The following MTUS2 variants were observed in gnomAD, a reference collection of about 807,000 sequenced individuals.
MTUS2 encodes microtubule associated scaffold protein 2.
In MTUS2, 40 loss-of-function variants were observed where a neutral mutation model predicts 114.1. The observed-to-expected ratio is 0.35, with a 90% CI of 0.27 to 0.46. MTUS2 has a LOEUF of 0.46. Ranked by LOEUF, MTUS2 falls within the 20% of genes least tolerant of loss-of-function variation. MTUS2 has a pLI of 1.00. For missense variants in MTUS2, 1,679 were observed against 1,705.4 expected (o/e 0.98, Z 0.27); for synonymous variants, 688 against 672.0 (o/e 1.02, Z -0.37).
intron 7 of MTUS2, among the ~76,000 whole-genome samples, chr13:29,330,569 C>G (rs112434142): frequency 0.076 from 11,480 of 152,030 alleles, 1,369 homozygotes; most frequent in African/African-American, 0.25. Context: ...GGGTTTAGGT[C>G]TTATGTTTAA....
intron 5 of MTUS2, among the ~76,000 whole-genome samples, chr13:29,205,393 CTT>C (rs1456589549): frequency 6.6e-6 from 1 of 151,722 alleles, no homozygotes; most frequent in Non-Finnish European, 1.5e-5. Context: ...TCATTTCTCT[CTT>C]TTCGCTTTTG....
At chr13:29,254,955 C>T (rs865992170) in intron 5 of MTUS2, among the ~76,000 whole-genome samples, 5 of 152,184 alleles carry the variant, frequency 3.3e-5, no homozygotes, top group East Asian at 3.8e-4. Flanking sequence ...ATAATTCCCA[C>T]GCCATCGTTT....
chr13:28,840,134 TCTTA>T (rs149089871), intron 2 of MTUS2, among the ~76,000 whole-genome samples: 1,973 of 152,228 alleles, frequency 0.013, 40 homozygotes, highest in African/African-American at 0.044. Flanking sequence ...AATTGACACC[TCTTA>T]CTTAGTAGTA....
intron 8 of MTUS2, among the ~76,000 whole-genome samples, chr13:29,438,381 G>A (rs1341373441): frequency 6.6e-6 from 1 of 152,086 alleles, no homozygotes; most frequent in Admixed American, 6.6e-5. Flanking sequence ...TTATAAACTG[G>A]GTGGTTTATA....
At chr13:29,195,519 A>C (rs1894651138) in intron 5 of MTUS2, among the ~76,000 whole-genome samples, 1 of 142,072 alleles carries the variant, frequency 7.0e-6, no homozygotes, top group African/African-American at 2.6e-5. Flanking sequence ...GCATTCCATC[A>C]CAGATTAAAA....
chr13:28,926,825 A>G (rs982678474), intron 2 of MTUS2, among the ~76,000 whole-genome samples: 18 of 152,346 alleles, frequency 1.2e-4, no homozygotes, highest in African/African-American at 4.3e-4. Context: ...TGTAGTATGT[A>G]ATTTCATGCA....
At chr13:28,996,042 A>T (rs566688421) in intron 2 of MTUS2, among the ~76,000 whole-genome samples, 1 of 152,290 alleles carries the variant, frequency 6.6e-6, no homozygotes, top group Admixed American at 6.5e-5. Flanking sequence ...TTTGTCATAG[A>T]TAGCTCTTAT....
chr13:29,092,232 G>A (rs1889987438), intron 4 of MTUS2, among the ~76,000 whole-genome samples: 2 of 152,214 alleles, frequency 1.3e-5, no homozygotes, highest in Admixed American at 6.5e-5. Context: ...GCGTTCCTCT[G>A]ATTGATTCTA....
intron 2 of MTUS2, among the ~76,000 whole-genome samples, chr13:28,857,837 C>T (rs867338048): frequency 4.6e-5 from 7 of 152,228 alleles, no homozygotes; most frequent in African/African-American, 1.7e-4. Flanking sequence ...TACCCATCAT[C>T]ATCTATCCAT....
intron 2 of MTUS2, among the ~76,000 whole-genome samples, chr13:28,912,779 C>T (rs957481393): frequency 6.6e-6 from 1 of 152,018 alleles, no homozygotes; most frequent in Admixed American, 6.6e-5. Flanking sequence ...CTTTTTGTAG[C>T]AATTGTGAAT....
At chr13:28,950,455 A>T (rs1402539370) in intron 2 of MTUS2, among the ~76,000 whole-genome samples, 1 of 152,202 alleles carries the variant, frequency 6.6e-6, no homozygotes, top group Non-Finnish European at 1.5e-5. Flanking sequence ...TAGTGTAGTC[A>T]GATTTACCTA....
chr13:29,440,908 C>T (rs1454802472), intron 9 of MTUS2, among the ~76,000 whole-genome samples: 4 of 152,138 alleles, frequency 2.6e-5, no homozygotes, highest in African/African-American at 9.7e-5. Context: ...GGACCACAGG[C>T]CCTCAGGTGT....
intron 2 of MTUS2, among the ~76,000 whole-genome samples, chr13:28,883,053 G>A (rs1878385318): frequency 6.6e-6 from 1 of 152,152 alleles, no homozygotes; most frequent in African/African-American, 2.4e-5. Context: ...ACGAAAAGAT[G>A]TTCATATCTT....
intron 8 of MTUS2, among the ~76,000 whole-genome samples, chr13:29,371,086 A>C (rs1168717525): frequency 6.6e-6 from 1 of 152,180 alleles, no homozygotes; most frequent in Non-Finnish European, 1.5e-5. Flanking sequence ...TGTTTCTTCA[A>C]CCTCAAAAAT....
intron 4 of MTUS2, among the ~76,000 whole-genome samples, chr13:29,062,423 A>G (rs1179905769): frequency 6.6e-6 from 1 of 152,170 alleles, no homozygotes; most frequent in Non-Finnish European, 1.5e-5. Flanking sequence ...CTATTCTCAT[A>G]CCTTTATTTT....
At chr13:29,245,654 T>C (rs965711352) in intron 5 of MTUS2, among the ~76,000 whole-genome samples, 5 of 152,106 alleles carry the variant, frequency 3.3e-5, no homozygotes, top group Non-Finnish European at 7.4e-5. Flanking sequence ...GGCATAAAGC[T>C]GGATTTTAAT....
intron 2 of MTUS2, among the ~76,000 whole-genome samples, chr13:29,011,685 A>G (rs149502681): frequency 1.5e-3 from 226 of 152,308 alleles, no homozygotes; most frequent in Non-Finnish European, 2.6e-3. Flanking sequence ...AATATATTCC[A>G]AGCCTGCTGA....
Position 29,404,728 on chromosome 13 carries a change from G to A in MTUS2, c.3118-35255G>A, listed in dbSNP as rs1483230709. Reference sequence around the variant, plus strand: ...ATAAACAGAATGAAGAGGCATAAAGGGTAAAGATGTGCTTTATCCCTTACC... The same window carrying A: ...ATAAACAGAATGAAGAGGCATAAAGAGTAAAGATGTGCTTTATCCCTTACC... On this transcript the variant is annotated intron_variant, in intron 8 of 15. Coordinates refer to ENST00000612955, the MANE Select transcript of MTUS2 (RefSeq NM_001033602.4). Among the ~76,000 whole-genome samples the A allele has an allele frequency of 2.6e-5, 4 of 152,060 alleles. No homozygotes were observed. In the East Asian group the frequency reaches 7.7e-4, roughly 29 times the overall value.
At chr13:29,308,869 G>A (rs1195129749) in intron 6 of MTUS2, among the ~76,000 whole-genome samples, 3 of 151,884 alleles carry the variant, frequency 2.0e-5, no homozygotes, top group Non-Finnish European at 4.4e-5. Context: ...CAGTCAAAGT[G>A]GCTACTATTA....
Sources: allele counts gnomAD v4.1 joint callset (sites outside exome capture counted in the v4.1 genomes callset), GRCh38; gene constraint gnomAD v4.1.1; transcripts MANE v1.5; gene names NCBI Gene and HGNC (gene_info 2026-07-23, HGNC 2026-07-21).